BCL6: variants seen among roughly 807,000 people sequenced by gnomAD.
The protein encoded by BCL6 is B-cell lymphoma 6 protein.
Under a neutral mutation model 59.5 loss-of-function variants are expected in BCL6, and 7 were observed. The observed-to-expected ratio is 0.12, with a 90% CI of 0.07 to 0.22. The LOEUF is 0.22. Among genes scored for constraint, BCL6 ranks in the 10% least tolerant of loss-of-function variants. BCL6 has a pLI of 1.00. For synonymous variants in BCL6, 339 were observed against 349.7 expected, an observed-to-expected ratio of 0.97 and a Z score of 0.34; for missense variants, 685 against 939.4, an observed-to-expected ratio of 0.73 and a Z score of 3.54.
intron 1 of BCL6, among the ~76,000 whole-genome samples, chr3:187,739,932 G>C (rs916866435): frequency 2.0e-5 from 3 of 152,236 alleles, no homozygotes; most frequent in Non-Finnish European, 4.4e-5. Flanking sequence ...AAAGCGATGA[G>C]TCAAACTTGA....
chr3:187,724,920 G>A lies in BCL6; in HGVS notation c.1977+21C>T, dbSNP rs201148881. On this transcript the variant is annotated intron_variant, in intron 9 of 9. Transcript: ENST00000406870. ...TCCACATCCCCGCAGGTCAGAGAGC[G>A]GCCTCAAGAGGCTTACGTACATGGT... 3.2e-4 allele frequency: 506 copies of A among 1,606,044 alleles called. 1 individual carries two copies. Among genetic ancestry groups the A allele is most frequent in the Middle Eastern group, 1.3e-3 (8 of 6,010 alleles).
rs777082850 is a variant in BCL6 at position 187,725,475 on chromosome 3, C to T, written c.1839+24G>A. The T allele has an allele frequency of 1.5e-5, 19 of 1,234,958 alleles. No individual in the cohort carries two copies. Among genetic ancestry groups the T allele is most frequent in the East Asian group, 9.5e-5 (4 of 42,288 alleles). 76.5% of individuals were successfully genotyped at this position (1,234,958 alleles called of 1,614,324 possible). A position where few individuals can be genotyped will look rare whatever the true frequency, so the allele number is the denominator to read the frequency against. Reference sequence around the variant, plus strand: ...GCCCGCTCCGCTCGCCTGCCCGCTCCGCTCGCCTGCCCACTCTGCTCACCT... The same window carrying T: ...GCCCGCTCCGCTCGCCTGCCCGCTCTGCTCGCCTGCCCACTCTGCTCACCT... On this transcript the variant is annotated intron_variant, in intron 8 of 9. Transcript: ENST00000406870. The surrounding 1 kb of genome is among the most constrained non-coding windows in gnomAD (Gnocchi z 4.7).
At chr3:187,745,210 T>C (rs969068579) in intron 1 of BCL6, among the ~76,000 whole-genome samples, 200 bp downstream of exon 1, 7 of 152,088 alleles carry the variant, frequency 4.6e-5, no homozygotes, top group East Asian at 1.9e-4. Flanking sequence ...ACCTGACAGC[T>C]AGAATAAATA....
In BCL6 at chr3:187,725,484, G is replaced by T. The variant is rs1412679828; in HGVS notation, c.1839+15C>A. 6.2e-7 allele frequency: 1 copy of T among 1,611,918 alleles called. No homozygotes were observed. The highest frequency in any genetic ancestry group is 8.5e-7 in the Non-Finnish European group (1 of 1,178,938). On this transcript the variant is annotated intron_variant, in intron 8 of 9. Transcript: ENST00000406870. The surrounding 1 kb of genome is among the most constrained non-coding windows in gnomAD (Gnocchi z 4.7). ...GCTCGCCTGCCCGCTCCGCTCGCCTGCCCACTCTGCTCACCTGTACAAATC... is the reference window on the plus strand; with the variant it reads ...GCTCGCCTGCCCGCTCCGCTCGCCTTCCCACTCTGCTCACCTGTACAAATC...
In BCL6 at chr3:187,731,897, C is replaced by T. The variant is rs1183994653; in HGVS notation, c.195G>A (p.Leu65=). The stretch of plus-strand genomic sequence containing the variant: ...GATTGATCACACTAAGGTTGCATTT[C>T]AACTGGTCTGTAAAGATGCTATAGA... ...GLFYSIFTDQ[L]KCNLSVINLD... Residue 65 remains leucine, a synonymous_variant, in exon 4 of 10, where the codon TTG becomes TTA. Coordinates refer to ENST00000406870, the MANE Select transcript of BCL6 (RefSeq NM_001706.5). 1 of 1,614,146 alleles carries T rather than the reference C, an allele frequency of 6.2e-7. No homozygotes were observed. The highest frequency in any genetic ancestry group is 2.2e-5 in the East Asian group (1 of 44,882).
At chr3:187,732,340 C>T (rs4417855) in intron 3 of BCL6, 164,127 of 419,230 alleles carry the variant, frequency 0.39, 35,765 homozygotes, top group African/African-American at 0.73. Flanking sequence ...ATTGCATTTA[C>T]ACTTATTTTT....
At chr3:187,742,757 T>G (rs2108481154) in intron 1 of BCL6, among the ~76,000 whole-genome samples, 1 of 152,322 alleles carries the variant, frequency 6.6e-6, no homozygotes, top group East Asian at 1.9e-4. Flanking sequence ...CATCTCCTGG[T>G]ACTTGTTCGC....
intron 7 of BCL6, 112 bp downstream of exon 7, chr3:187,726,619 T>C (rs554064372): frequency 8.0e-5 from 116 of 1,457,148 alleles, no homozygotes; most frequent in Non-Finnish European, 1.1e-4. Context: ...GGGGCCTGCC[T>C]CCTGCCTTGC....
At position 187,729,612 on chromosome 3, in the gene BCL6, T is replaced by G; in HGVS notation, c.793A>C (p.Ile265Leu). 1 of 1,614,152 alleles carries G rather than the reference T, an allele frequency of 6.2e-7. No individual in the cohort carries two copies. The highest frequency in any genetic ancestry group is 8.5e-7 in the Non-Finnish European group (1 of 1,180,038). Reference protein sequence around the residue: ...HSNIYSPKETIPEEARSDMHY... With the variant: ...HSNIYSPKETLPEEARSDMHY... The stretch of plus-strand genomic sequence containing the variant: ...ATATCACTTCGTGCCTCTTCTGGGA[T>G]TGTTTCCTTGGGTGAATAGATATTG... The change falls in exon 5 of 10, where the codon ATC becomes CTC. Residue 265 changes from isoleucine to leucine, a missense_variant. This residue lies in a region of BCL6 where 268 missense variants were observed against 263.8 expected (regional missense o/e 1.02). Transcript: ENST00000406870. The surrounding 1 kb of genome is among the most constrained non-coding windows in gnomAD (Gnocchi z 5.6).
intron 1 of BCL6, among the ~76,000 whole-genome samples, chr3:187,745,208 G>C (rs6793021): frequency 2.5e-4 from 38 of 151,904 alleles, no homozygotes; most frequent in Middle Eastern, 6.9e-3. Context: ...ACACCTGACA[G>C]CTAGAATAAA....
chr3:187,722,333 GCTAT>G lies in BCL6; in HGVS notation c.*121_*124del. The G allele has an allele frequency of 6.8e-6, 1 of 146,050 alleles. No individual in the cohort carries two copies. The highest frequency in any genetic ancestry group is 1.2e-5 in the Non-Finnish European group (1 of 86,854). 9.0% of individuals were successfully genotyped at this position (146,050 alleles called of 1,614,324 possible). On this transcript the variant is annotated 3_prime_UTR_variant, in exon 10 of 10. Transcript: ENST00000406870. The stretch of plus-strand genomic sequence containing the variant: ...CGACCCCCACCACCCCCAACCCCCA[GCTAT>G]GATTTGCACTAGTGGATGAAAGAGG...
At chr3:187,731,347 C>T (rs1418038663) in intron 4 of BCL6, among the ~76,000 whole-genome samples, 2 of 151,958 alleles carry the variant, frequency 1.3e-5, no homozygotes, top group Admixed American at 6.6e-5. Context: ...GTTTAAAGCA[C>T]CAGCAAAATG....
At chr3:187,745,076 G>T (rs753249692) in intron 1 of BCL6, among the ~76,000 whole-genome samples, 6 of 151,744 alleles carry the variant, frequency 4.0e-5, no homozygotes, top group Non-Finnish European at 7.4e-5. Context: ...CACAAGGGAG[G>T]GTGGCAAAAG....
chr3:187,745,298 A>T (rs568185871), intron 1 of BCL6, 112 bp downstream of exon 1: 5 of 399,170 alleles, frequency 1.3e-5, no homozygotes, highest in Admixed American at 4.4e-5. Flanking sequence ...AAAAAAAAGA[A>T]TTAAAAGGTA....
intron 1 of BCL6, among the ~76,000 whole-genome samples, chr3:187,744,896 G>A (rs530432942): frequency 5.9e-5 from 9 of 152,178 alleles, no homozygotes; most frequent in East Asian, 3.9e-4. Flanking sequence ...TACGCAAGCA[G>A]CAGCAGAAAG....
intron 1 of BCL6, among the ~76,000 whole-genome samples, chr3:187,743,550 G>T (rs1258603108): frequency 6.6e-6 from 1 of 151,614 alleles, no homozygotes; most frequent in East Asian, 2.0e-4. Context: ...AAATCGGTTT[G>T]GTTGTGTTTT....
rs1718837046 is a variant in BCL6, at chr3:187,728,457, C to G, written c.1443G>C (p.Gln481His). The G allele has an allele frequency of 3.7e-6, 6 of 1,612,378 alleles. No individual in the cohort carries two copies. The highest frequency in any genetic ancestry group is 5.1e-6 in the Non-Finnish European group (6 of 1,179,580). Residue 481 changes from glutamine (Q) to histidine (H), a missense_variant, in exon 6 of 10, where the codon CAG (glutamine) becomes CAC (histidine). Around this residue, in one of 7 missense-constraint regions of BCL6, gnomAD observed 207 missense variants for 213.7 expected, o/e 0.97. Coordinates refer to ENST00000406870, the MANE Select transcript of BCL6 (RefSeq NM_001706.5). ...GGCACATCTCTGCATGCTGTGGGGA[C>G]TGAGAGCCGCAGGACGTGCACTTCG... The part of the protein sequence containing the change: ...HPPKCTSCGS[Q>H]SPQHAEMCLH...
At chr3:187,738,921 T>G (rs3733017) in intron 1 of BCL6, among the ~76,000 whole-genome samples, 11,008 of 152,174 alleles carry the variant, frequency 0.072, 516 homozygotes, top group East Asian at 0.25. Context: ...ATGAAGTAAG[T>G]GCATTTATTG....
At chr3:187,735,838 A>T (rs1409999921) in intron 1 of BCL6, among the ~76,000 whole-genome samples, 1 of 140,376 alleles carries the variant, frequency 7.1e-6, no homozygotes, top group African/African-American at 2.6e-5. Context: ...TCCCCCCTTT[A>T]AAAAAAAAAA....
Sources: gnomAD v4.1 joint callset for allele counts (sites outside exome capture counted in the v4.1 genomes callset) on GRCh38, gnomAD v4.1.1 for gene constraint, gnomAD v4.1.1 regional missense constraint, Gnocchi (gnomAD v3.1) non-coding constraint, MANE v1.5 for transcripts, NCBI Gene and HGNC (gene_info 2026-07-23, HGNC 2026-07-21) for gene names.